SCN10A: variants seen among roughly 807,000 people sequenced by gnomAD.
The protein encoded by SCN10A is sodium voltage-gated channel alpha subunit 10.
SCN10A carries 162 observed loss-of-function variants against 170.7 expected under a neutral mutation model. That is an observed-to-expected ratio of 0.95 (90% CI 0.84 to 1.08). The LOEUF (loss-of-function observed/expected upper bound fraction) is 1.08. SCN10A is among the 50% of genes least tolerant of loss of function. The pLI is 0.00. For synonymous variants in SCN10A, 985 were observed against 904.6 expected (o/e 1.09, Z -1.59); for missense variants, 2,527 against 2,436.9 (o/e 1.04, Z -0.78).
rs988575222 is a variant in SCN10A at position 38,697,876 on chromosome 3, G to A, written c.5344C>T (p.Arg1782Ter). ...SGPLRIPKPN[R>*]NILIQMDLPL... Reference sequence around the variant, plus strand: ...AGGTCCATCTGGATCAGTATATTTCGATTGGGTTTTGGGATTCTCAGGGGA... The same window carrying A: ...AGGTCCATCTGGATCAGTATATTTCAATTGGGTTTTGGGATTCTCAGGGGA... The change falls in exon 28 of 28, where the codon CGA (arginine) becomes TGA (stop). Residue 1782 changes from arginine to a stop codon, truncating the protein, a stop_gained. Transcript: ENST00000449082. LOFTEE classifies it high-confidence loss of function. 3 of 1,613,928 alleles carry A rather than the reference G, an allele frequency of 1.9e-6. No individual in the cohort carries two copies. The highest frequency in any genetic ancestry group is 2.5e-6 in the Non-Finnish European group (3 of 1,180,012).
chr3:38,710,361 C>T (rs112814239), intron 24 of SCN10A, among the ~76,000 whole-genome samples: 4 of 152,136 alleles, frequency 2.6e-5, no homozygotes, highest in African/African-American at 9.6e-5. Flanking sequence ...GGGGTTTCAC[C>T]GTATTGCCCA....
At chr3:38,711,680 G>C (rs1263865180) in intron 23 of SCN10A, among the ~76,000 whole-genome samples, 1 of 152,228 alleles carries the variant, frequency 6.6e-6, no homozygotes, top group Non-Finnish European at 1.5e-5. Context: ...AGGACTGAAT[G>C]AACAGGTAGA....
Position 38,761,299 on chromosome 3 carries a change from A to G in SCN10A, c.776T>C (p.Val259Ala), listed in dbSNP as rs750288334. 2 of 1,614,010 alleles carry G rather than the reference A, an allele frequency of 1.2e-6. No individual in the cohort carries two copies. Among genetic ancestry groups the G allele is most frequent in the East Asian group, 2.2e-5 (1 of 44,874 alleles). The change falls in exon 7 of 28, where the codon GTT becomes GCT. Residue 259 changes from valine to alanine, a missense_variant. Coordinates refer to ENST00000449082, the MANE Select transcript of SCN10A (RefSeq NM_006514.4). ...GAGTTGCAGCCCCACCAAGGCAAAA[A>G]CACTTAGGCAGAAGATGGTGAGGAT... ...VTILTIFCLS[V>A]FALVGLQLFK...
At chr3:38,811,811 A>T (rs551559810) in intron 1 of SCN10A, among the ~76,000 whole-genome samples, 2 of 152,266 alleles carry the variant, frequency 1.3e-5, no homozygotes, top group South Asian at 4.2e-4. Flanking sequence ...TTTCCCCAGG[A>T]TTCCCTTTTT....
chr3:38,803,046 A>G (rs560856093), intron 1 of SCN10A, among the ~76,000 whole-genome samples: 1 of 152,390 alleles, frequency 6.6e-6, no homozygotes, highest in African/African-American at 2.4e-5. Context: ...GGCACATGAA[A>G]AAATGCTCAT....
rs1470130850 is a variant in SCN10A, at chr3:38,728,857, T to A, written c.2325A>T (p.Thr775=). Reference sequence around the variant, plus strand: ...CTGAGTTTCCGATGATCTTGATGAGTGTGTTTAAGGTGGGCCAGGATTTGG... The same window carrying A: ...CTGAGTTTCCGATGATCTTGATGAGAGTGTTTAAGGTGGGCCAGGATTTGG... The part of the protein sequence containing the change: ...KLAKSWPTLN[T]LIKIIGNSVG... Residue 775 remains threonine (T), a synonymous_variant, in exon 16 of 28, where the codon ACA becomes ACT. Transcript: ENST00000449082. 1 of 1,613,936 alleles carries A rather than the reference T, an allele frequency of 6.2e-7. No homozygotes were observed.
chr3:38,700,161 T>TCA (rs2063141906), intron 27 of SCN10A, among the ~76,000 whole-genome samples: 1 of 152,158 alleles, frequency 6.6e-6, no homozygotes, highest in African/African-American at 2.4e-5. Flanking sequence ...AAAACTCCTA[T>TCA]TATGCTAAGT....
chr3:38,778,577 C>A, intron 4 of SCN10A, among the ~76,000 whole-genome samples: 1 of 151,828 alleles, frequency 6.6e-6, no homozygotes, highest in Non-Finnish European at 1.5e-5. Flanking sequence ...AATGTTTCAG[C>A]AAGGAATAAT....
At position 38,718,791 on chromosome 3, in the gene SCN10A, C is replaced by T. The variant is rs1041439046; in HGVS notation, c.3543G>A (p.Thr1181=). Residue 1181 remains threonine (T), a synonymous_variant, in exon 21 of 28, where the codon ACG becomes ACA. Coordinates refer to ENST00000449082, the MANE Select transcript of SCN10A (RefSeq NM_006514.4). The part of the protein sequence containing the change: ...FEDYYLDQKP[T]VKALLEYTDR... Reference sequence around the variant, plus strand: ...CAGTGTACTCCAGCAAAGCTTTCACCGTGGGCTTCTGGTCCAGGTAATAGT... The same window carrying T: ...CAGTGTACTCCAGCAAAGCTTTCACTGTGGGCTTCTGGTCCAGGTAATAGT... 3.7e-6 allele frequency: 6 copies of T among 1,614,184 alleles called. No homozygotes were observed. Among genetic ancestry groups the T allele is most frequent in the African/African-American group, 1.3e-5 (1 of 75,048 alleles).
intron 22 of SCN10A, among the ~76,000 whole-genome samples, chr3:38,713,488 T>C (rs1272894609): frequency 5.3e-5 from 8 of 151,924 alleles, no homozygotes; most frequent in Admixed American, 6.6e-5. Flanking sequence ...CTGGTGGCTG[T>C]AATATTTATG....
At chr3:38,795,865 GTATTATCTCTAA>G (rs1309539691) in intron 1 of SCN10A, among the ~76,000 whole-genome samples, 1 of 152,118 alleles carries the variant, frequency 6.6e-6, no homozygotes, top group Non-Finnish European at 1.5e-5. Flanking sequence ...TACCTGTGAA[GTATTATCTCTAA>G]TATATAAATA....
Position 38,722,252 on chromosome 3 carries a change from C to T in SCN10A, c.3507+6G>A, listed in dbSNP as rs1287171838. 2 of 1,612,812 alleles carry T rather than the reference C, an allele frequency of 1.2e-6. No homozygotes were observed. Among genetic ancestry groups the T allele is most frequent in the Non-Finnish European group, 1.7e-6 (2 of 1,179,314 alleles). ...ATTTGGGGGCAGGGACTATGCCTCC[C>T]CTTACCAGAGATCCACTGCTGAGCA... is the stretch of plus-strand genomic sequence containing the variant. On this transcript the variant is annotated splice_donor_region_variant and intron_variant, in intron 20 of 27. Transcript: ENST00000449082.
chr3:38,729,856 A>T (rs1303931244), intron 15 of SCN10A, among the ~76,000 whole-genome samples: 1 of 152,166 alleles, frequency 6.6e-6, no homozygotes, highest in Non-Finnish European at 1.5e-5. Context: ...TATCACCCAT[A>T]TCCGTGAGTA....
At chr3:38,782,777 T>C (rs2064154156) in intron 4 of SCN10A, among the ~76,000 whole-genome samples, 1 of 152,116 alleles carries the variant, frequency 6.6e-6, no homozygotes, top group South Asian at 2.1e-4. Context: ...TGGTCATTTA[T>C]TTTAAAAAAT....
chr3:38,761,866 AAGAG>A (rs1191382328), intron 6 of SCN10A, among the ~76,000 whole-genome samples: 4 of 121,924 alleles, frequency 3.3e-5, no homozygotes, highest in Non-Finnish European at 5.2e-5. Context: ...GAGAGAGAGA[AAGAG>A]AGAGAGAGAG....
intron 5 of SCN10A, among the ~76,000 whole-genome samples, chr3:38,764,054 C>T (rs2063905402): frequency 6.6e-6 from 1 of 152,164 alleles, no homozygotes; most frequent in East Asian, 1.9e-4. Flanking sequence ...GAACCCCAGG[C>T]CATACAATTC....
chr3:38,700,325 C>T (rs1259237755), intron 27 of SCN10A, among the ~76,000 whole-genome samples: 1 of 152,174 alleles, frequency 6.6e-6, no homozygotes, highest in Non-Finnish European at 1.5e-5. Flanking sequence ...AGTGTACAAA[C>T]TTCCAGTTAT....
chr3:38,704,313 G>A (rs2063187080), intron 26 of SCN10A, among the ~76,000 whole-genome samples: 1 of 152,194 alleles, frequency 6.6e-6, no homozygotes, highest in South Asian at 2.1e-4. Context: ...GGGGATTGCT[G>A]AGCCACTAAT....
intron 12 of SCN10A, among the ~76,000 whole-genome samples, chr3:38,750,805 T>C (rs2063738881): frequency 6.6e-6 from 1 of 152,220 alleles, no homozygotes; most frequent in Non-Finnish European, 1.5e-5. Flanking sequence ...AAGGTCAGAA[T>C]ATCTAGACAC....
Sources: allele counts gnomAD v4.1 joint callset (sites outside exome capture counted in the v4.1 genomes callset), GRCh38; gene constraint gnomAD v4.1.1; transcripts MANE v1.5; gene names NCBI Gene and HGNC (gene_info 2026-07-23, HGNC 2026-07-21).